The following ASAP2 variants were observed in gnomAD, a reference collection of about 807,000 sequenced individuals.
ASAP2 encodes the protein ArfGAP with SH3 domain, ankyrin repeat and PH domain 2.
In ASAP2, 45 loss-of-function variants were observed where a neutral mutation model predicts 131.4. The ratio of observed to expected loss-of-function variants is 0.34; its 90% CI spans 0.27 to 0.44. The LOEUF is 0.44. Ranked by LOEUF, ASAP2 falls within the 20% of genes least tolerant of loss-of-function variation. ASAP2 has a pLI of 1.00. For synonymous variants in ASAP2, 510 were observed against 503.0 expected, an observed-to-expected ratio of 1.01 and a Z score of -0.19; for missense variants, 1,011 against 1,297.0, an observed-to-expected ratio of 0.78 and a Z score of 3.39.
intron 1 of ASAP2, among the ~76,000 whole-genome samples, chr2:9,259,610 C>T (rs557414645): frequency 6.6e-6 from 1 of 152,366 alleles, no homozygotes; most frequent in African/African-American, 2.4e-5. Flanking sequence ...CTTTGGCCCT[C>T]GCCTCTGTCT....
Position 9,367,754 on chromosome 2 carries a change from A to G in ASAP2, c.1462-671A>G, listed in dbSNP as rs111963005. Reference sequence around the variant, plus strand: ...TTCGGCCTGGGCAACAGAGCAAGACACTGTCTCAAAAAAAAGAATGTGTTA... The same window carrying G: ...TTCGGCCTGGGCAACAGAGCAAGACGCTGTCTCAAAAAAAAGAATGTGTTA... On this transcript the variant is annotated intron_variant, in intron 15 of 27. Transcript: ENST00000281419. Among the ~76,000 whole-genome samples, 295 of 152,308 alleles carry G rather than the reference A, an allele frequency of 1.9e-3. 1 individual carries two copies. Among genetic ancestry groups the G allele is most frequent in the African/African-American group, 6.6e-3 (274 of 41,574 alleles).
Position 9,217,620 on chromosome 2 carries a change from G to GTT in ASAP2, c.126+10400_126+10401dup, listed in dbSNP as rs58620535. Among the ~76,000 whole-genome samples the GTT allele has an allele frequency of 0.3, 44,339 of 147,380 alleles. 7,148 individuals carry two copies. The highest frequency in any genetic ancestry group is 0.44 in the African/African-American group (17,595 of 40,040). ...TCTTAGAGGTATGTTTTTGTTTTTT[G>GTT]TTTTTTTTTTTGAGACGGAGTCTTC... is the stretch of plus-strand genomic sequence containing the variant. On this transcript the variant is annotated intron_variant, in intron 1 of 27. Transcript: ENST00000281419. This position sits in a 1 kb window ranked among gnomAD's most constrained non-coding sequence, Gnocchi z 4.0.
At chr2:9,318,437 C>T in intron 3 of ASAP2, 87 bp from the exon 4 acceptor site, 2 of 976,324 alleles carry the variant, frequency 2.0e-6, no homozygotes, top group Non-Finnish European at 3.2e-6. Flanking sequence ...GAATCATTAT[C>T]AAATGTTCTC....
chr2:9,297,243 G>A, intron 2 of ASAP2, 57 bp from the exon 3 acceptor site: 1 of 1,598,982 alleles, frequency 6.3e-7, no homozygotes, highest in South Asian at 1.1e-5. Context: ...GAAGAACCTG[G>A]TGGGGAGTGA....
At chr2:9,385,412 G>A (rs1473823517) in intron 21 of ASAP2, 54 bp downstream of exon 21, 4 of 1,357,210 alleles carry the variant, frequency 2.9e-6, no homozygotes, top group African/African-American at 1.4e-5. Flanking sequence ...ATCCAGAACA[G>A]TGTGGGTCCT....
Position 9,240,159 on chromosome 2 carries a change from C to T in ASAP2, c.126+32929C>T, listed in dbSNP as rs150973280. Among the ~76,000 whole-genome samples the T allele has an allele frequency of 4.2e-3, 634 of 151,844 alleles. 1 individual carries two copies. The highest frequency in any genetic ancestry group is 0.014 in the African/African-American group (574 of 41,392). On this transcript the variant is annotated intron_variant, in intron 1 of 27. Transcript: ENST00000281419. ...CCTGGGGGGTATGTTCCAAGACCCT[C>T]GGTGGATGCCTGCAGCCAGCTAATA...
At chr2:9,308,380 G>A (rs554396680) in intron 3 of ASAP2, among the ~76,000 whole-genome samples, 5 of 152,308 alleles carry the variant, frequency 3.3e-5, no homozygotes, top group South Asian at 2.1e-4. Flanking sequence ...CAAACCAGTC[G>A]TGAGAACTTC....
intron 1 of ASAP2, among the ~76,000 whole-genome samples, chr2:9,244,633 G>T (rs369109334): frequency 1.3e-5 from 2 of 152,284 alleles, no homozygotes; most frequent in South Asian, 4.2e-4. Flanking sequence ...CAGTGGCCTG[G>T]CACTTACTGG....
chr2:9,267,759 G>A (rs897626090), intron 1 of ASAP2, among the ~76,000 whole-genome samples: 2 of 151,920 alleles, frequency 1.3e-5, no homozygotes, highest in African/African-American at 2.4e-5. Flanking sequence ...TTAGCTGGGC[G>A]TAGTAGTGCA....
intron 27 of ASAP2, 41 bp downstream of exon 27, chr2:9,401,437 C>A (rs1676660599): frequency 6.2e-7 from 1 of 1,602,502 alleles, no homozygotes; most frequent in South Asian, 1.1e-5. Context: ...GGGGGCTGAG[C>A]CACGTCCCTG....
At chr2:9,314,203 C>A (rs1003852252) in intron 3 of ASAP2, among the ~76,000 whole-genome samples, 1 of 152,072 alleles carries the variant, frequency 6.6e-6, no homozygotes, top group Non-Finnish European at 1.5e-5. Flanking sequence ...AGGCTGGTCT[C>A]GAACTCCTGA....
At chr2:9,350,537 C>T (rs1672259248) in intron 11 of ASAP2, 1 of 335,578 alleles carries the variant, frequency 3.0e-6, no homozygotes, top group African/African-American at 2.1e-5. Context: ...CCAGCAGCCT[C>T]AAAGCTGGCA....
intron 1 of ASAP2, among the ~76,000 whole-genome samples, chr2:9,246,057 T>C (rs2148108329): frequency 6.6e-6 from 1 of 152,338 alleles, no homozygotes; most frequent in South Asian, 2.1e-4. Context: ...GGGAAGGAGC[T>C]CTGTGTTGAC....
intron 15 of ASAP2, among the ~76,000 whole-genome samples, chr2:9,361,410 G>A (rs1220642198): frequency 6.6e-6 from 1 of 152,164 alleles, no homozygotes; most frequent in East Asian, 1.9e-4. Flanking sequence ...GTGTGGTCAT[G>A]GTGTCGTGGC....
chr2:9,340,325 A>T lies in ASAP2; in HGVS notation c.850-4207A>T, dbSNP rs111849326. ...CATGAGCCACCGCGCCCGGCCAGCC[A>T]TGTCTGCAACTTTATTCTGTGAGAG... On this transcript the variant is annotated intron_variant, in intron 9 of 27. Transcript: ENST00000281419. 9.8e-3 allele frequency among the ~76,000 whole-genome samples: 1,496 copies of T among 152,310 alleles called. 30 individuals carry two copies. Among genetic ancestry groups the T allele is most frequent in the African/African-American group, 0.034 (1,422 of 41,572 alleles).
At chr2:9,316,857 C>T (rs1189121763) in intron 3 of ASAP2, among the ~76,000 whole-genome samples, 1 of 151,918 alleles carries the variant, frequency 6.6e-6, no homozygotes, top group Non-Finnish European at 1.5e-5. Context: ...AATGGGGGCA[C>T]CAAGGCTCTT....
At position 9,356,032 on chromosome 2, in the gene ASAP2, C is replaced by T; in HGVS notation, c.1112-15C>T. ...GCTGTCTGGGCTCACAGTTGAAATT[C>T]CTCTTGCTATGCAGATGACAGAACT... On this transcript the variant is annotated splice_polypyrimidine_tract_variant and intron_variant, in intron 12 of 27. Coordinates refer to ENST00000281419, the MANE Select transcript of ASAP2 (RefSeq NM_003887.3). 1 of 1,614,006 alleles carries T rather than the reference C, an allele frequency of 6.2e-7. No homozygotes were observed. Among genetic ancestry groups the T allele is most frequent in the South Asian group, 1.1e-5 (1 of 91,066 alleles).
At chr2:9,340,857 A>C (rs2148588961) in intron 9 of ASAP2, among the ~76,000 whole-genome samples, 1 of 152,348 alleles carries the variant, frequency 6.6e-6, no homozygotes, top group Admixed American at 6.5e-5. Flanking sequence ...AGTTAAGATC[A>C]AGGATGATGC....
intron 3 of ASAP2, among the ~76,000 whole-genome samples, chr2:9,308,530 C>T (rs566011688): frequency 3.9e-5 from 6 of 152,074 alleles, no homozygotes; most frequent in Non-Finnish European, 8.8e-5. Flanking sequence ...ATGTACCTGA[C>T]GGGCTGCTCT....
Sources: gnomAD v4.1 joint callset for allele counts (sites outside exome capture counted in the v4.1 genomes callset) on GRCh38, gnomAD v4.1.1 for gene constraint, Gnocchi (gnomAD v3.1) non-coding constraint, MANE v1.5 for transcripts, NCBI Gene and HGNC (gene_info 2026-07-23, HGNC 2026-07-21) for gene names.